The following DCDC1 variants were observed in gnomAD, a reference collection of about 807,000 sequenced individuals.
DCDC1 encodes the protein doublecortin domain-containing protein 1.
In DCDC1, 200 loss-of-function variants were observed where a neutral mutation model predicts 178.3. The observed-to-expected ratio is 1.12, with a 90% CI of 1.00 to 1.26. The LOEUF is 1.26. Among genes scored for constraint, DCDC1 ranks in the 50% most tolerant of loss-of-function variants. DCDC1 has a pLI of 0.00. For synonymous variants in DCDC1, 690 were observed against 604.8 expected, an observed-to-expected ratio of 1.14 and a Z score of -2.07; for missense variants, 1,983 against 1,749.2, an observed-to-expected ratio of 1.13 and a Z score of -2.38.
intron 7 of DCDC1, among the ~76,000 whole-genome samples, chr11:31,269,865 A>T (rs1210144984): frequency 6.6e-6 from 1 of 152,192 alleles, no homozygotes; most frequent in Non-Finnish European, 1.5e-5. Flanking sequence ...CATATCTATT[A>T]TAGAGTTTGC....
intron 9 of DCDC1, among the ~76,000 whole-genome samples, chr11:31,147,157 C>A (rs960952762): frequency 6.6e-6 from 1 of 152,144 alleles, no homozygotes; most frequent in Non-Finnish European, 1.5e-5. Context: ...TCTTAGACTT[C>A]TTCCTGTATT....
chr11:31,245,406 C>T (rs746956765), intron 8 of DCDC1, among the ~76,000 whole-genome samples: 1 of 151,582 alleles, frequency 6.6e-6, no homozygotes, highest in African/African-American at 2.4e-5. Context: ...AAGAACATAA[C>T]TACAACTATC....
chr11:30,905,046 T>C lies in DCDC1; in HGVS notation c.4223A>G (p.His1408Arg), dbSNP rs1944960298. 1 of 1,613,724 alleles carries C rather than the reference T, an allele frequency of 6.2e-7. No individual in the cohort carries two copies. The highest frequency in any genetic ancestry group is 8.5e-7 in the Non-Finnish European group (1 of 1,179,782). The change falls in exon 31 of 39, where the codon CAC becomes CGC. Residue 1408 changes from histidine to arginine, a missense_variant. Coordinates refer to ENST00000684477, the MANE Select transcript of DCDC1 (RefSeq NM_001387274.1). ...AASHSGMAAT[H>R]QKAVKIIAYK... ...TGCAATTATTTTCACTGCCTTCTGG[T>C]GTGTGGCTGCCATGCCACTGTGAGA... is the stretch of plus-strand genomic sequence containing the variant.
chr11:30,982,138 T>C (rs1406303802), intron 20 of DCDC1, among the ~76,000 whole-genome samples: 2 of 152,226 alleles, frequency 1.3e-5, no homozygotes, highest in Non-Finnish European at 2.9e-5. Context: ...AGAATTTTTA[T>C]GTTTCAGGTC....
intron 22 of DCDC1, among the ~76,000 whole-genome samples, chr11:30,931,505 T>C (rs1946919010): frequency 6.6e-6 from 1 of 152,108 alleles, no homozygotes; most frequent in Admixed American, 6.6e-5. Context: ...TATACACTGA[T>C]CACAGAATTT....
At position 31,269,179 on chromosome 11, in the gene DCDC1, T is replaced by C. The variant is rs747469974; in HGVS notation, c.961-3579A>G. Among the ~76,000 whole-genome samples, 5 of 152,296 alleles carry C rather than the reference T, an allele frequency of 3.3e-5. No homozygotes were observed. In the Middle Eastern group the frequency reaches 0.01, roughly 311 times the overall value. On this transcript the variant is annotated intron_variant, in intron 7 of 38. Coordinates refer to ENST00000684477, the MANE Select transcript of DCDC1 (RefSeq NM_001387274.1). ...TTCTCGGAGTAAATTATCAGTGGTA[T>C]GAATTAGTAGCACTATAAGTTTCTG... is the stretch of plus-strand genomic sequence containing the variant.
chr11:31,335,628 A>G (rs540791399), intron 1 of DCDC1, 64 bp from the exon 2 acceptor site: 11 of 152,244 alleles, frequency 7.2e-5, no homozygotes, highest in African/African-American at 2.2e-4. Flanking sequence ...CAATGTGCCC[A>G]TAAGAAATCA....
chr11:31,297,783 A>G (rs1947806343), intron 6 of DCDC1, among the ~76,000 whole-genome samples: 1 of 152,210 alleles, frequency 6.6e-6, no homozygotes, highest in South Asian at 2.1e-4. Context: ...TAAAAGGCTA[A>G]TCAGAGACTC....
intron 9 of DCDC1, among the ~76,000 whole-genome samples, chr11:31,208,880 T>C (rs1023539609): frequency 6.6e-6 from 1 of 152,182 alleles, no homozygotes; most frequent in Non-Finnish European, 1.5e-5. Context: ...CCACTAGCCA[T>C]TCTCTGAAAA....
chr11:31,309,362 G>A (rs747606140), intron 3 of DCDC1, among the ~76,000 whole-genome samples: 11 of 152,180 alleles, frequency 7.2e-5, no homozygotes, highest in Non-Finnish European at 1.5e-4. Flanking sequence ...ACAACGCCTT[G>A]AAAGGGTCTT....
At chr11:31,154,453 G>T (rs1198404377) in intron 9 of DCDC1, among the ~76,000 whole-genome samples, 1 of 152,138 alleles carries the variant, frequency 6.6e-6, no homozygotes, top group African/African-American at 2.4e-5. Flanking sequence ...ATTATGCAGG[G>T]TGCTATCACA....
intron 9 of DCDC1, among the ~76,000 whole-genome samples, chr11:31,220,911 AAAGAGAAAGACAGATCTCT>A (rs1974188599): frequency 6.6e-6 from 1 of 152,146 alleles, no homozygotes; most frequent in Non-Finnish European, 1.5e-5. Context: ...CACATGGTAT[AAAGAGAAAGACAGATCTCT>A]GGTGCCTCTT....
At chr11:31,047,408 GA>G (rs1363330079) in intron 20 of DCDC1, among the ~76,000 whole-genome samples, 2 of 152,116 alleles carry the variant, frequency 1.3e-5, no homozygotes, top group Admixed American at 1.3e-4. Flanking sequence ...AAAAGGGAGA[GA>G]GAAAAAATAA....
At chr11:31,307,312 T>C (rs1948522893) in intron 4 of DCDC1, 1 of 230,994 alleles carries the variant, frequency 4.3e-6, no homozygotes. Flanking sequence ...TGTTTCAAAC[T>C]ATTGGTTAAA....
chr11:31,245,713 T>C (rs1010710413), intron 8 of DCDC1, among the ~76,000 whole-genome samples: 1 of 151,814 alleles, frequency 6.6e-6, no homozygotes, highest in Non-Finnish European at 1.5e-5. Context: ...ATCATGCTTC[T>C]ATAGGAAAAG....
intron 8 of DCDC1, among the ~76,000 whole-genome samples, chr11:31,251,658 C>A (rs147539312): frequency 1.3e-5 from 2 of 151,880 alleles, no homozygotes; most frequent in African/African-American, 4.8e-5. Context: ...GATTCTGTTT[C>A]TATGGATAAC....
intron 20 of DCDC1, among the ~76,000 whole-genome samples, chr11:30,984,688 G>A (rs753962183): frequency 2.0e-5 from 3 of 152,202 alleles, no homozygotes; most frequent in Non-Finnish European, 2.9e-5. Flanking sequence ...AGAAGCAGCT[G>A]TTTAGTTGAA....
chr11:31,065,103 T>C lies in DCDC1; in HGVS notation c.2349A>G (p.Val783=), dbSNP rs1406203524. 8 of 765,418 alleles carry C rather than the reference T, an allele frequency of 1.0e-5. No individual in the cohort carries two copies. The highest frequency in any genetic ancestry group is 1.4e-5 in the Non-Finnish European group (6 of 417,522). The allele number at this position is 765,418 out of a possible 1,614,324, so 47.4% of individuals were successfully genotyped here. ...LTYLEELNAQ[V]DVTQTEYHIH... is the part of the protein sequence containing the mutation. ...TGTGATACTCTGTCTGGGTCACATCTACTTGTGCATTTAGCTCCTCTAGGT... is the reference window on the plus strand; with the variant it reads ...TGTGATACTCTGTCTGGGTCACATCCACTTGTGCATTTAGCTCCTCTAGGT... The change falls in exon 19 of 39, where the codon GTA becomes GTG. Residue 783 remains valine (V), a synonymous_variant. Transcript: ENST00000684477.
intron 22 of DCDC1, among the ~76,000 whole-genome samples, chr11:30,928,083 G>A (rs557767316): frequency 1.3e-5 from 2 of 152,266 alleles, no homozygotes; most frequent in Admixed American, 6.5e-5. Context: ...AGTCATGATA[G>A]AAGATCCCTC....
Sources: allele counts gnomAD v4.1 joint callset (sites outside exome capture counted in the v4.1 genomes callset), GRCh38; gene constraint gnomAD v4.1.1; transcripts MANE v1.5; gene names NCBI Gene and HGNC (gene_info 2026-07-23, HGNC 2026-07-21).